SH3GL3: variants seen among roughly 807,000 people sequenced by gnomAD.
SH3GL3 encodes the protein endophilin-A3.
A neutral mutation model predicts 47.7 loss-of-function variants in SH3GL3; 33 were observed. That is an observed-to-expected ratio of 0.69 (90% confidence interval 0.52 to 0.92). The LOEUF is 0.92. Among genes scored for constraint, SH3GL3 ranks in the 40% least tolerant of loss-of-function variants. SH3GL3 has a pLI of 0.00. For synonymous variants in SH3GL3, 155 were observed against 148.8 expected, an observed-to-expected ratio of 1.04 and a Z score of -0.30; for missense variants, 363 against 417.8, an observed-to-expected ratio of 0.87 and a Z score of 1.14.
At chr15:83,590,891 G>A (rs1325453760) in intron 8 of SH3GL3, among the ~76,000 whole-genome samples, 1 of 152,176 alleles carries the variant, frequency 6.6e-6, no homozygotes, top group African/African-American at 2.4e-5. Context: ...TCTTAATAGG[G>A]TCTTTCACAG....
chr15:83,498,577 C>G (rs917796379), intron 1 of SH3GL3, among the ~76,000 whole-genome samples: 1 of 152,144 alleles, frequency 6.6e-6, no homozygotes, highest in Non-Finnish European at 1.5e-5. Context: ...CACTCCACAC[C>G]CTTATCTCTC....
downstream of SH3GL3, among the ~76,000 whole-genome samples, chr15:83,619,044 T>C (rs770774403): frequency 6.6e-6 from 1 of 152,212 alleles, no homozygotes; most frequent in Non-Finnish European, 1.5e-5. Flanking sequence ...CAGGAAGTAG[T>C]GTGGTCAAGA....
intron 8 of SH3GL3, among the ~76,000 whole-genome samples, chr15:83,603,160 T>G (rs1439700085): frequency 6.6e-6 from 1 of 152,056 alleles, no homozygotes; most frequent in Non-Finnish European, 1.5e-5. Flanking sequence ...CCACCACGCC[T>G]GGCCAATTTT....
chr15:83,555,020 C>G (rs2044872319), intron 1 of SH3GL3, among the ~76,000 whole-genome samples: 1 of 152,038 alleles, frequency 6.6e-6, no homozygotes, highest in Non-Finnish European at 1.5e-5. Flanking sequence ...GAATCTCTCA[C>G]TTATCCTTCA....
At chr15:83,610,844 A>G (rs1364174788) in intron 8 of SH3GL3, among the ~76,000 whole-genome samples, 2 of 152,140 alleles carry the variant, frequency 1.3e-5, no homozygotes, top group African/African-American at 4.8e-5. Context: ...CTAACACCTG[A>G]GAGTTATTAT....
intron 1 of SH3GL3, among the ~76,000 whole-genome samples, chr15:83,551,714 C>A (rs542848303): frequency 1.5e-4 from 23 of 152,264 alleles, no homozygotes; most frequent in Non-Finnish European, 2.9e-4. Context: ...CCTGTCTGCT[C>A]CTTTTCATTT....
chr15:83,542,724 C>A (rs1326517622), intron 1 of SH3GL3, among the ~76,000 whole-genome samples: 1 of 152,030 alleles, frequency 6.6e-6, no homozygotes. Flanking sequence ...TAATTTGTAG[C>A]AATTGTAAAT....
At chr15:83,550,931 A>G (rs1596239367) in intron 1 of SH3GL3, among the ~76,000 whole-genome samples, 1 of 152,014 alleles carries the variant, frequency 6.6e-6, no homozygotes, top group African/African-American at 2.4e-5. Context: ...GCTTTTTTAC[A>G]TTTTCTCTTA....
At position 83,473,170 on chromosome 15, in the gene SH3GL3, G is replaced by T. The variant is rs2040908403; in HGVS notation, c.45+25592G>T. 3.4e-5 allele frequency among the ~76,000 whole-genome samples: 5 copies of T among 147,942 alleles called. No homozygotes were observed. The South Asian group carries it at 1.1e-3, about 32-fold the overall frequency. The stretch of plus-strand genomic sequence containing the variant: ...GGAGGAGCAAGGGCACCTCATTTCT[G>T]CTGATGGAGGCGAAAGTTCAGGCTC... On this transcript the variant is annotated intron_variant, in intron 1 of 8. Transcript: ENST00000427482.
chr15:83,537,186 T>C (rs2043950365), intron 1 of SH3GL3, among the ~76,000 whole-genome samples: 1 of 152,152 alleles, frequency 6.6e-6, no homozygotes, highest in African/African-American at 2.4e-5. Context: ...TGGGCAGGGC[T>C]GCCTCTTCAT....
intron 1 of SH3GL3, among the ~76,000 whole-genome samples, chr15:83,508,619 C>T (rs1043289919): frequency 1.3e-5 from 2 of 151,896 alleles, no homozygotes; most frequent in African/African-American, 4.8e-5. Context: ...CGCTCTGTTG[C>T]CAGGCTGGAG....
At position 83,574,238 on chromosome 15, in the gene SH3GL3, A is replaced by C. The variant is rs558760453; in HGVS notation, c.465+1540A>C. Among the ~76,000 whole-genome samples the C allele has an allele frequency of 6.6e-5, 10 of 152,292 alleles. No homozygotes were observed. The East Asian group carries it at 1.9e-3, about 29-fold the overall frequency. On this transcript the variant is annotated intron_variant, in intron 5 of 8. Coordinates refer to ENST00000427482, the MANE Select transcript of SH3GL3 (RefSeq NM_003027.5). The stretch of plus-strand genomic sequence containing the variant: ...TATTTAGAATTTCTGCTGAAAGCAA[A>C]GGGTATGAGGGAGAATTCAGGAAGT...
the SH3GL3 span, among the ~76,000 whole-genome samples, chr15:83,628,567 A>T: frequency 1.3e-5 from 2 of 152,102 alleles, no homozygotes; most frequent in Non-Finnish European, 2.9e-5. Flanking sequence ...ACATGGTGAA[A>T]CCCTATTTCT....
chr15:83,517,712 T>A (rs2043044188), intron 1 of SH3GL3, among the ~76,000 whole-genome samples: 1 of 152,168 alleles, frequency 6.6e-6, no homozygotes, highest in South Asian at 2.1e-4. Flanking sequence ...TCAAAATTAT[T>A]TATTTTGCAG....
rs1046508815 is a variant in SH3GL3, at chr15:83,448,266, C to T, written c.45+688C>T. On this transcript the variant is annotated intron_variant, in intron 1 of 8. Transcript: ENST00000427482. This position sits in a 1 kb window ranked among gnomAD's most constrained non-coding sequence, Gnocchi z 4.2. ...ACAAACAGTGCTAGACACACCTCCA[C>T]GCACAGAGGATGACAAATAACACAG... Among the ~76,000 whole-genome samples the T allele has an allele frequency of 6.6e-6, 1 of 152,182 alleles. No homozygotes were observed. Among genetic ancestry groups the T allele is most frequent in the Non-Finnish European group, 1.5e-5 (1 of 68,040 alleles).
chr15:83,616,641 T>C (rs761380308), intron 8 of SH3GL3, among the ~76,000 whole-genome samples: 1 of 152,218 alleles, frequency 6.6e-6, no homozygotes, highest in Non-Finnish European at 1.5e-5. Context: ...GAAATCCTTT[T>C]CTTGGAATTT....
rs558980083 is a variant in SH3GL3, at chr15:83,545,590, T to C, written c.46-13663T>C. ...CTTGATACTTGTGGATGTTCATTCA[T>C]GTCTGGGCATTGAAGAGTTAGGTAT... On this transcript the variant is annotated intron_variant, in intron 1 of 8. Transcript: ENST00000427482. 2.0e-3 allele frequency among the ~76,000 whole-genome samples: 298 copies of C among 152,340 alleles called. 2 individuals carry two copies. Among genetic ancestry groups the C allele is most frequent in the African/African-American group, 6.9e-3 (287 of 41,584 alleles).
chr15:83,493,493 A>G (rs1287714318), intron 1 of SH3GL3, among the ~76,000 whole-genome samples: 2 of 152,048 alleles, frequency 1.3e-5, no homozygotes, highest in Non-Finnish European at 2.9e-5. Flanking sequence ...TGTCTTGGGG[A>G]TCAGTGGCTC....
chr15:83,508,064 C>T (rs559862243), intron 1 of SH3GL3, among the ~76,000 whole-genome samples: 1 of 152,020 alleles, frequency 6.6e-6, no homozygotes, highest in East Asian at 2.0e-4. Flanking sequence ...GCCTCAGCCT[C>T]CGGAGTAGCT....
Sources: allele counts gnomAD v4.1 joint callset (sites outside exome capture counted in the v4.1 genomes callset), GRCh38; gene constraint gnomAD v4.1.1; non-coding constraint Gnocchi (gnomAD v3.1); transcripts MANE v1.5; gene names NCBI Gene and HGNC (gene_info 2026-07-23, HGNC 2026-07-21).